The following TOGARAM2 variants were observed in gnomAD, a reference collection of about 807,000 sequenced individuals.
The protein encoded by TOGARAM2 is TOG array regulator of axonemal microtubules 2, also known as TOG array regulator of axonemal microtubules protein 2.
TOGARAM2 carries 85 observed loss-of-function variants against 93.3 expected under a neutral mutation model. The observed-to-expected ratio is 0.91, with a 90% CI of 0.76 to 1.09. TOGARAM2 has a LOEUF of 1.09. Ranked by LOEUF, TOGARAM2 falls within the 50% of genes least tolerant of loss-of-function variation. TOGARAM2 has a pLI of 0.00. For synonymous variants in TOGARAM2, 593 were observed against 552.8 expected (o/e 1.07, Z -1.02); for missense variants, 1,277 against 1,334.5 (o/e 0.96, Z 0.67).
At chr2:29,012,685 A>T (rs1479595216) in intron 7 of TOGARAM2, among the ~76,000 whole-genome samples, 1 of 152,176 alleles carries the variant, frequency 6.6e-6, no homozygotes, top group African/African-American at 2.4e-5. Flanking sequence ...TGACATAAAA[A>T]ATAGTTAAGT....
Position 28,968,833 on chromosome 2 carries a change from A to C in TOGARAM2, c.-147+12136A>C, listed in dbSNP as rs1326969669. On this transcript the variant is annotated intron_variant, in intron 1 of 6. Transcript: ENST00000401723. ...ACTCTGTCAAAAAAAAAAAAAAAAA[A>C]AAAAAAACAAGGAAAAAGAAAAAAG... Among the ~76,000 whole-genome samples the C allele has an allele frequency of 1.6e-3, 217 of 133,724 alleles. 3 individuals are homozygous for C. The highest frequency in any genetic ancestry group is 3.5e-3 in the Admixed American group (44 of 12,688). 87.7% of individuals were successfully genotyped at this position (133,724 alleles called of 152,430 possible). A position where few individuals can be genotyped will look rare whatever the true frequency, so the allele number is the denominator to read the frequency against.
intron 4 of TOGARAM2, among the ~76,000 whole-genome samples, chr2:29,001,358 T>TC (rs2148285768): frequency 6.6e-6 from 1 of 151,990 alleles, no homozygotes; most frequent in South Asian, 2.1e-4. Flanking sequence ...ATTTTTTTTT[T>TC]CTGGAACAGA....
chr2:28,982,370 G>GC (rs1672236549), intron 1 of TOGARAM2, among the ~76,000 whole-genome samples: 1 of 152,200 alleles, frequency 6.6e-6, no homozygotes, highest in African/African-American at 2.4e-5. Context: ...AGGGACTGGG[G>GC]CCCGTACTCT....
chr2:29,024,431 G>T, intron 13 of TOGARAM2, 57 bp downstream of exon 13: 2 of 1,211,340 alleles, frequency 1.7e-6, no homozygotes, highest in South Asian at 2.5e-5. Flanking sequence ...AAGGCAAGGG[G>T]AGAGGCCCTG....
chr2:29,029,303 A>G (rs1665605997), intron 14 of TOGARAM2, among the ~76,000 whole-genome samples: 1 of 149,370 alleles, frequency 6.7e-6, no homozygotes, highest in Non-Finnish European at 1.5e-5. Context: ...ACACACTGGA[A>G]TACTTAGTCA....
At chr2:28,990,588 C>A (rs553559591) in intron 1 of TOGARAM2, among the ~76,000 whole-genome samples, 198 of 152,196 alleles carry the variant, frequency 1.3e-3, no homozygotes, top group Non-Finnish European at 1.7e-3. Context: ...CCCGTTTAGA[C>A]CCCATTTCCT....
intron 1 of TOGARAM2, among the ~76,000 whole-genome samples, chr2:28,983,875 C>T (rs1558401046): frequency 1.3e-5 from 2 of 152,254 alleles, no homozygotes; most frequent in East Asian, 3.9e-4. Flanking sequence ...GGTAGCATCT[C>T]ATTTGCATTT....
chr2:29,030,592 G>C (rs1028891324), intron 14 of TOGARAM2, among the ~76,000 whole-genome samples: 3 of 152,200 alleles, frequency 2.0e-5, no homozygotes, highest in African/African-American at 7.2e-5. Context: ...CCTTACACTA[G>C]ATGATGGTGA....
chr2:28,998,814 G>T (rs1485380581), intron 3 of TOGARAM2, among the ~76,000 whole-genome samples: 1 of 152,174 alleles, frequency 6.6e-6, no homozygotes, highest in Non-Finnish European at 1.5e-5. Flanking sequence ...TGTAGTCTGT[G>T]CTTGGCATAG....
intron 6 of TOGARAM2, among the ~76,000 whole-genome samples, chr2:29,006,400 G>GTGCA (rs1663867726): frequency 6.9e-6 from 1 of 143,904 alleles, no homozygotes; most frequent in Non-Finnish European, 1.5e-5. Context: ...GTGTGTGTGA[G>GTGCA]TGCATGTGTG....
chr2:29,011,741 C>T (rs1181721141), intron 7 of TOGARAM2, among the ~76,000 whole-genome samples: 1 of 152,178 alleles, frequency 6.6e-6, no homozygotes, highest in Non-Finnish European at 1.5e-5. Flanking sequence ...GGTGTGATGA[C>T]GTACACCAGC....
At chr2:28,994,545 C>A (rs1044776235) in intron 1 of TOGARAM2, among the ~76,000 whole-genome samples, 180 bp from the exon 2 acceptor site, 1 of 152,234 alleles carries the variant, frequency 6.6e-6, no homozygotes. Context: ...CAAAACCACA[C>A]GGCCTCGCAC....
intron 3 of TOGARAM2, 92 bp downstream of exon 3, chr2:28,998,345 AC>A: frequency 1.2e-6 from 1 of 804,316 alleles, no homozygotes; most frequent in Non-Finnish European, 2.0e-6. Flanking sequence ...TTCTCGAGCT[AC>A]CAGCAGGTGT....
At chr2:28,979,089 C>T (rs939430789), upstream of TOGARAM2, among the ~76,000 whole-genome samples, 3 of 152,156 alleles carry the variant, frequency 2.0e-5, no homozygotes, top group Non-Finnish European at 4.4e-5. Context: ...AGAGAGCTTC[C>T]AGGTGGCAGC....
intron 18 of TOGARAM2, among the ~76,000 whole-genome samples, chr2:29,037,283 A>G (rs1666175056): frequency 6.6e-6 from 1 of 152,162 alleles, no homozygotes; most frequent in South Asian, 2.1e-4. Flanking sequence ...TATTCCTCTC[A>G]TGGATGCTAA....
chr2:28,980,328 C>G (rs778488387), upstream of TOGARAM2, among the ~76,000 whole-genome samples: 6 of 152,226 alleles, frequency 3.9e-5, no homozygotes, highest in Non-Finnish European at 8.8e-5. Context: ...CAGGAAGGAG[C>G]TACCCCGTGT....
chr2:29,015,122 C>T (rs1664481189), intron 8 of TOGARAM2, among the ~76,000 whole-genome samples: 1 of 152,172 alleles, frequency 6.6e-6, no homozygotes. Context: ...TTCTTTGAGA[C>T]AGAACATTCC....
At chr2:29,025,732 G>A (rs1299743668) in intron 13 of TOGARAM2, among the ~76,000 whole-genome samples, 2 of 152,164 alleles carry the variant, frequency 1.3e-5, no homozygotes, top group Admixed American at 1.3e-4. Flanking sequence ...GGACACAGAG[G>A]CCCTTAGAAA....
In TOGARAM2 at chr2:29,002,568, G is replaced by A; in HGVS notation, c.460G>A (p.Val154Ile). The A allele has an allele frequency of 6.8e-6, 11 of 1,613,902 alleles. No homozygotes were observed. The highest frequency in any genetic ancestry group is 9.3e-6 in the Non-Finnish European group (11 of 1,179,858). Reference sequence around the variant, plus strand: ...GGATCCAGGGGGAGGCCCCCAAGGAGTTCCCCTGCACAGCACCATCCCCCG... The same window carrying A: ...GGATCCAGGGGGAGGCCCCCAAGGAATTCCCCTGCACAGCACCATCCCCCG... ...SLDPGGGPQG[V>I]PLHSTIPRAT... The change falls in exon 5 of 20, where the codon GTT becomes ATT. Residue 154 changes from valine (V) to isoleucine (I), a missense_variant. Coordinates refer to ENST00000379558, the MANE Select transcript of TOGARAM2 (RefSeq NM_199280.4).
Sources: allele counts gnomAD v4.1 joint callset (sites outside exome capture counted in the v4.1 genomes callset), GRCh38; gene constraint gnomAD v4.1.1; transcripts MANE v1.5; gene names NCBI Gene and HGNC (gene_info 2026-07-23, HGNC 2026-07-21).